The following CIMAP2 variants were observed in gnomAD, a reference collection of about 807,000 sequenced individuals.
CIMAP2 encodes ciliary microtubule associated protein 2.
the CIMAP2 span, chr1:54,814,077 T>A: frequency 7.3e-7 from 1 of 1,363,240 alleles, no homozygotes; most frequent in Non-Finnish European, 9.9e-7. Context: ...AATAGCTCAG[T>A]CTTGGGATCA....
the CIMAP2 span, chr1:54,811,762 A>G: frequency 1.6e-6 from 2 of 1,258,436 alleles, no homozygotes; most frequent in Non-Finnish European, 2.3e-6. Context: ...AGTGGTTCTG[A>G]CAGCCTCCAT....
At chr1:54,812,042 C>G in the CIMAP2 span, 1 of 1,614,156 alleles carries the variant, frequency 6.2e-7, no homozygotes, top group Non-Finnish European at 8.5e-7. Flanking sequence ...CTGCTGTGCT[C>G]TAGGGGAGTG....
At chr1:54,811,454 T>C in the CIMAP2 span, among the ~76,000 whole-genome samples, 1 of 151,646 alleles carries the variant, frequency 6.6e-6, no homozygotes, top group Non-Finnish European at 1.5e-5. Flanking sequence ...CATGAGCCAA[T>C]GAGGGAAGAA....
At chr1:54,810,925 A>G in the CIMAP2 span, among the ~76,000 whole-genome samples, 2 of 152,132 alleles carry the variant, frequency 1.3e-5, no homozygotes, top group African/African-American at 4.8e-5. Context: ...TTCCAAGTTC[A>G]GCCTCTTCTC....
At chr1:54,832,450 C>T in the CIMAP2 span, among the ~76,000 whole-genome samples, 1 of 151,982 alleles carries the variant, frequency 6.6e-6, no homozygotes, top group Non-Finnish European at 1.5e-5. Flanking sequence ...AAAGGATAAC[C>T]CCAAAACCAA....
the CIMAP2 span, chr1:54,814,802 C>A: frequency 6.7e-7 from 1 of 1,487,568 alleles, no homozygotes; most frequent in Non-Finnish European, 9.2e-7. Context: ...TGGCTCAAGA[C>A]CCAGGGCTGC....
chr1:54,830,433 G>A, the CIMAP2 span, among the ~76,000 whole-genome samples: 1 of 152,104 alleles, frequency 6.6e-6, no homozygotes, highest in Non-Finnish European at 1.5e-5. The surrounding 1 kb of genome is among the most constrained non-coding windows in gnomAD (Gnocchi z 4.1). Flanking sequence ...TGTTGGTCAG[G>A]CTGGTCTCGA....
At chr1:54,811,765 G>GCCGGGGGGGGGGGGGGGGGCCCCC in the CIMAP2 span, 1 of 1,301,324 alleles carries the variant, frequency 7.7e-7, no homozygotes, top group Non-Finnish European at 1.1e-6. Context: ...GGTTCTGACA[G>GCCGGGGGGGGGGGGGGGGGCCCCC]CCTCCATGCC....
the CIMAP2 span, among the ~76,000 whole-genome samples, chr1:54,808,405 C>G: frequency 0.95 from 144,056 of 152,220 alleles, 68,226 homozygotes; most frequent in South Asian, 0.99. Flanking sequence ...ATGTCTGGTA[C>G]AGCATTCCAG....
At chr1:54,831,164 A>G in the CIMAP2 span, among the ~76,000 whole-genome samples, 35 of 152,240 alleles carry the variant, frequency 2.3e-4, no homozygotes, top group African/African-American at 8.0e-4. Flanking sequence ...ATGATAGAAA[A>G]CACTGTTTAT....
At chr1:54,811,782 C>G in the CIMAP2 span, 3 of 1,205,988 alleles carry the variant, frequency 2.5e-6, 1 homozygote, top group Non-Finnish European at 3.5e-6. Context: ...TGCCCCCACC[C>G]CCGCCCCACA....
chr1:54,826,084 C>A, the CIMAP2 span, among the ~76,000 whole-genome samples: 1 of 152,124 alleles, frequency 6.6e-6, no homozygotes, highest in Non-Finnish European at 1.5e-5. Flanking sequence ...CTGGCAGTGG[C>A]AAGTGGGGCG....
the CIMAP2 span, among the ~76,000 whole-genome samples, chr1:54,812,386 C>T: frequency 6.6e-6 from 1 of 152,348 alleles, no homozygotes; most frequent in East Asian, 1.9e-4. Context: ...GGCCACATGG[C>T]TGGAAGGAGC....
chr1:54,817,632 A>G, the CIMAP2 span, among the ~76,000 whole-genome samples: 1 of 152,232 alleles, frequency 6.6e-6, no homozygotes, highest in Non-Finnish European at 1.5e-5. Flanking sequence ...AGCTGCTGCC[A>G]TATTTGATTG....
the CIMAP2 span, among the ~76,000 whole-genome samples, chr1:54,814,199 T>C: frequency 6.6e-6 from 1 of 152,140 alleles, no homozygotes; most frequent in Non-Finnish European, 1.5e-5. Context: ...TGTGGGAAAT[T>C]AGATGAGGCC....
the CIMAP2 span, among the ~76,000 whole-genome samples, chr1:54,838,761 C>T: frequency 6.6e-6 from 1 of 152,106 alleles, no homozygotes; most frequent in African/African-American, 2.4e-5. Flanking sequence ...ACACAGACTC[C>T]GGCCTTCAGT....
chr1:54,813,901 A>G, the CIMAP2 span: 1 of 1,613,842 alleles, frequency 6.2e-7, no homozygotes, highest in Non-Finnish European at 8.5e-7. Context: ...GGTTTTTTCT[A>G]AACTTCCCCG....
At chr1:54,813,673 CCGGCCTCCGG>C in the CIMAP2 span, 1 of 302 alleles carries the variant, frequency 3.3e-3, no homozygotes, top group South Asian at 0.17. Context: ...TGAGGCTGGC[CCGGCCTCCGG>C]CCTCCGGGAT....
chr1:54,811,773 G>GGGGGGGCGGGGC, the CIMAP2 span: 1 of 1,325,052 alleles, frequency 7.5e-7, no homozygotes, highest in Non-Finnish European at 1.0e-6. Flanking sequence ...CAGCCTCCAT[G>GGGGGGGCGGGGC]CCCCCACCCC....
Sources: gnomAD v4.1 joint callset for allele counts (sites outside exome capture counted in the v4.1 genomes callset) on GRCh38, gnomAD v4.1.1 for gene constraint, Gnocchi (gnomAD v3.1) non-coding constraint, MANE v1.5 for transcripts, NCBI Gene and HGNC (gene_info 2026-07-23, HGNC 2026-07-21) for gene names.